The following OR1J2 variants were observed in gnomAD, a reference collection of about 807,000 sequenced individuals.
OR1J2 encodes the protein olfactory receptor 1J2.
For synonymous variants in OR1J2, 142 were observed against 99.7 expected (o/e 1.42, Z -2.52); for missense variants, 304 against 246.1 (o/e 1.24, Z -1.57).
chr9:122,514,463 T>C (rs143550698), downstream of OR1J2, among the ~76,000 whole-genome samples: 547 of 152,334 alleles, frequency 3.6e-3, 4 homozygotes, highest in African/African-American at 0.012. Flanking sequence ...GATTTCATTC[T>C]TTTTGATGCC....
chr9:122,558,681 G>T, the OR1J2 span, among the ~76,000 whole-genome samples: 1 of 151,224 alleles, frequency 6.6e-6, no homozygotes, highest in South Asian at 2.1e-4. Context: ...ATAATAGATG[G>T]ATATATGTAT....
the OR1J2 span, among the ~76,000 whole-genome samples, chr9:122,462,351 T>C: frequency 2.0e-5 from 3 of 152,208 alleles, no homozygotes; most frequent in African/African-American, 7.2e-5. Flanking sequence ...GATACTTGGC[T>C]GGTGAATTCC....
the OR1J2 span, among the ~76,000 whole-genome samples, chr9:122,541,803 T>A: frequency 2.0e-5 from 3 of 152,362 alleles, no homozygotes; most frequent in African/African-American, 7.2e-5. Flanking sequence ...CAGCTCCATC[T>A]ACAAGCACAG....
chr9:122,477,008 T>C, the OR1J2 span: 1 of 1,609,718 alleles, frequency 6.2e-7, no homozygotes, highest in South Asian at 1.1e-5. Flanking sequence ...GCGCCTGACC[T>C]ACTCAAGAGT....
chr9:122,545,693 CT>C, the OR1J2 span, among the ~76,000 whole-genome samples: 1 of 152,028 alleles, frequency 6.6e-6, no homozygotes, highest in East Asian at 1.9e-4. Context: ...AAAAATCACT[CT>C]GAAAAACTAA....
At chr9:122,522,717 C>A in the OR1J2 span, among the ~76,000 whole-genome samples, 1 of 152,218 alleles carries the variant, frequency 6.6e-6, no homozygotes, top group Admixed American at 6.5e-5. Flanking sequence ...CCTCAGTAGC[C>A]ATTCAGCAAG....
At chr9:122,461,229 G>A in the OR1J2 span, among the ~76,000 whole-genome samples, 5,701 of 152,012 alleles carry the variant, frequency 0.038, 344 homozygotes, top group African/African-American at 0.13. Flanking sequence ...GCCCCATTCC[G>A]TGTAATGTTG....
the OR1J2 span, among the ~76,000 whole-genome samples, chr9:122,572,314 G>C: frequency 6.6e-6 from 1 of 152,212 alleles, no homozygotes; most frequent in African/African-American, 2.4e-5. Flanking sequence ...CTGAAAAGCA[G>C]TGTGTCAAAC....
At chr9:122,451,724 T>C in the OR1J2 span, among the ~76,000 whole-genome samples, 1 of 152,208 alleles carries the variant, frequency 6.6e-6, no homozygotes, top group African/African-American at 2.4e-5. Context: ...GTTCAGGACA[T>C]TAATATAATC....
the OR1J2 span, among the ~76,000 whole-genome samples, chr9:122,517,407 T>C: frequency 6.6e-6 from 1 of 152,152 alleles, no homozygotes; most frequent in South Asian, 2.1e-4. Context: ...TTGGTAAGTT[T>C]CAAAGGAAGG....
the OR1J2 span, among the ~76,000 whole-genome samples, chr9:122,571,592 T>C: frequency 2.0e-5 from 3 of 150,164 alleles, no homozygotes; most frequent in Admixed American, 6.6e-5. Context: ...GGGGCGCACC[T>C]GTAGTCCCAG....
chr9:122,460,336 G>T, the OR1J2 span, among the ~76,000 whole-genome samples: 1 of 152,062 alleles, frequency 6.6e-6, no homozygotes, highest in Non-Finnish European at 1.5e-5. Flanking sequence ...CATGTGGCTT[G>T]CCAATGATCC....
chr9:122,512,103 A>C (rs547624663), downstream of OR1J2, among the ~76,000 whole-genome samples: 17 of 152,262 alleles, frequency 1.1e-4, no homozygotes, highest in African/African-American at 4.1e-4. Flanking sequence ...TGAAAGAATT[A>C]GCTGTATTAT....
the OR1J2 span, chr9:122,578,186 C>T: frequency 6.6e-6 from 1 of 152,228 alleles, no homozygotes; most frequent in African/African-American, 2.4e-5. Context: ...TGCAGTGGCT[C>T]ACGCCTATAA....
chr9:122,522,357 T>C, the OR1J2 span, among the ~76,000 whole-genome samples: 2 of 152,156 alleles, frequency 1.3e-5, no homozygotes, highest in African/African-American at 4.8e-5. Context: ...AGGGGAGGAA[T>C]CAAAACATCC....
the OR1J2 span, among the ~76,000 whole-genome samples, chr9:122,540,216 C>T: frequency 6.6e-6 from 1 of 151,886 alleles, no homozygotes; most frequent in Middle Eastern, 3.4e-3. Flanking sequence ...ATGGTATTGC[C>T]TAGGTTTTCT....
At chr9:122,501,927 G>A in the OR1J2 span, among the ~76,000 whole-genome samples, 1 of 152,306 alleles carries the variant, frequency 6.6e-6, no homozygotes, top group Non-Finnish European at 1.5e-5. Flanking sequence ...ATCCCACTGA[G>A]AAAACACTAG....
At chr9:122,464,387 C>A in the OR1J2 span, among the ~76,000 whole-genome samples, 1 of 152,216 alleles carries the variant, frequency 6.6e-6, no homozygotes, top group East Asian at 1.9e-4. Context: ...GGCTCCAAGC[C>A]TCTCAGCTGA....
chr9:122,556,648 A>G, the OR1J2 span, among the ~76,000 whole-genome samples: 1 of 152,220 alleles, frequency 6.6e-6, no homozygotes, highest in South Asian at 2.1e-4. Flanking sequence ...ACAAACCTAC[A>G]CATTCTGCAC....
Sources: gnomAD v4.1 joint callset for allele counts (sites outside exome capture counted in the v4.1 genomes callset) on GRCh38, gnomAD v4.1.1 for gene constraint, MANE v1.5 for transcripts, NCBI Gene and HGNC (gene_info 2026-07-23, HGNC 2026-07-21) for gene names.